ZNF521: variants seen among roughly 807,000 people sequenced by gnomAD.
ZNF521 encodes the protein LYST-interacting protein 3.
A neutral mutation model predicts 105.5 loss-of-function variants in ZNF521; 14 were observed. The observed-to-expected ratio is 0.13, with a 90% CI of 0.09 to 0.21. ZNF521 has a LOEUF of 0.21. Ranked by LOEUF, ZNF521 falls within the 10% of genes least tolerant of loss-of-function variation. The pLI is 1.00. For synonymous variants in ZNF521, 635 were observed against 606.0 expected (o/e 1.05, Z -0.70); for missense variants, 1,233 against 1,629.7 (o/e 0.76, Z 4.19).
intron 4 of ZNF521, among the ~76,000 whole-genome samples, chr18:25,211,860 C>T (rs1319379703): frequency 1.3e-5 from 2 of 152,206 alleles, no homozygotes; most frequent in East Asian, 3.8e-4. Flanking sequence ...TTTCACACAT[C>T]TGTCTTTAAA....
intron 4 of ZNF521, 62 bp downstream of exon 4, chr18:25,224,283 A>C: frequency 7.0e-7 from 1 of 1,428,488 alleles, no homozygotes; most frequent in Non-Finnish European, 9.6e-7. Flanking sequence ...GAGAGTGTAA[A>C]CATAAAGCAG....
chr18:25,120,750 A>G (rs2144347212), intron 5 of ZNF521, among the ~76,000 whole-genome samples: 1 of 152,328 alleles, frequency 6.6e-6, no homozygotes, highest in South Asian at 2.1e-4. Context: ...TCCTTTTCTT[A>G]TTCTTATTAC....
At chr18:25,253,874 T>A (rs1296666335) in intron 3 of ZNF521, among the ~76,000 whole-genome samples, 2 of 152,130 alleles carry the variant, frequency 1.3e-5, no homozygotes, top group South Asian at 2.1e-4. Flanking sequence ...GGGGGGGAAC[T>A]ATTTGCAAGC....
chr18:25,293,974 A>G (rs1476140919), intron 3 of ZNF521, among the ~76,000 whole-genome samples: 1 of 152,200 alleles, frequency 6.6e-6, no homozygotes, highest in African/African-American at 2.4e-5. Context: ...TGTGAACTCT[A>G]GTTAATGAAT....
At chr18:25,246,228 T>C (rs960114144) in intron 3 of ZNF521, among the ~76,000 whole-genome samples, 1 of 151,606 alleles carries the variant, frequency 6.6e-6, no homozygotes, top group East Asian at 1.9e-4. Context: ...GTATAATAAA[T>C]AAATAAATAA....
intron 4 of ZNF521, among the ~76,000 whole-genome samples, chr18:25,222,813 T>G (rs1905819576): frequency 6.6e-6 from 1 of 152,228 alleles, no homozygotes; most frequent in South Asian, 2.1e-4. Flanking sequence ...CTTAATTTCC[T>G]TTTTTAATTT....
At chr18:25,156,321 C>T (rs575661839) in intron 5 of ZNF521, among the ~76,000 whole-genome samples, 1 of 152,304 alleles carries the variant, frequency 6.6e-6, no homozygotes, top group South Asian at 2.1e-4. Context: ...CCATCAGCAT[C>T]CATTTCTATG....
At chr18:25,176,620 T>G (rs1288875651) in intron 5 of ZNF521, among the ~76,000 whole-genome samples, 1 of 152,162 alleles carries the variant, frequency 6.6e-6, no homozygotes, top group Non-Finnish European at 1.5e-5. Flanking sequence ...GACTCAGCAT[T>G]TGGGGACTTG....
chr18:25,078,335 A>C (rs1384729945), intron 7 of ZNF521, among the ~76,000 whole-genome samples: 1 of 152,228 alleles, frequency 6.6e-6, no homozygotes. Flanking sequence ...ATAAAATACC[A>C]ACCAGGATTT....
chr18:25,248,302 A>T (rs1382478700), intron 3 of ZNF521, among the ~76,000 whole-genome samples: 1 of 152,228 alleles, frequency 6.6e-6, no homozygotes. Flanking sequence ...AACGTTATAC[A>T]CCAATGGAGC....
chr18:25,228,964 T>C (rs1440263675), intron 3 of ZNF521, among the ~76,000 whole-genome samples: 1 of 152,118 alleles, frequency 6.6e-6, no homozygotes, highest in Non-Finnish European at 1.5e-5. Context: ...AACACACAAG[T>C]AAAGACCATG....
intron 2 of ZNF521, among the ~76,000 whole-genome samples, chr18:25,350,127 C>T (rs1249546984): frequency 1.3e-5 from 2 of 152,146 alleles, no homozygotes; most frequent in African/African-American, 2.4e-5. Context: ...CCGCCCCCGC[C>T]GCAGCCAGCT....
chr18:25,297,720 C>G (rs1318361614), intron 3 of ZNF521, among the ~76,000 whole-genome samples: 2 of 152,040 alleles, frequency 1.3e-5, no homozygotes, highest in Non-Finnish European at 2.9e-5. Context: ...AGGGAAAGTG[C>G]AAATAGAAAG....
rs776469131 is a variant in ZNF521 at position 25,224,489 on chromosome 18, G to A, written c.3429C>T (p.Cys1143=). The change falls in exon 4 of 8, where the codon TGC becomes TGT. Residue 1143 remains cysteine, a synonymous_variant. Transcript: ENST00000361524. ...VGGLKTRCSS[C]NVKFESESEL... Reference sequence around the variant, plus strand: ...CACTTTCAGACTCAAACTTAACGTTGCAGCTAGAGCAGCGTGTCTTCAGTC... The same window carrying A: ...CACTTTCAGACTCAAACTTAACGTTACAGCTAGAGCAGCGTGTCTTCAGTC... 1.9e-6 allele frequency: 3 copies of A among 1,614,054 alleles called. No homozygotes were observed. In the East Asian group the frequency reaches 6.7e-5, roughly 36 times the overall value.
At position 25,226,725 on chromosome 18, in the gene ZNF521, C is replaced by T. The variant is rs1432899787; in HGVS notation, c.1193G>A (p.Ser398Asn). 6 of 1,614,114 alleles carry T rather than the reference C, an allele frequency of 3.7e-6. No homozygotes were observed. The highest frequency in any genetic ancestry group is 5.1e-6 in the Non-Finnish European group (6 of 1,180,016). Residue 398 changes from serine to asparagine, a missense_variant, in exon 4 of 8, where the codon AGT becomes AAT. Coordinates refer to ENST00000361524, the MANE Select transcript of ZNF521 (RefSeq NM_015461.3). The surrounding 1 kb of genome is among the most constrained non-coding windows in gnomAD (Gnocchi z 4.1). ...GCTGTAGGTAACTTTTGCTTGTTTA[C>T]TCGAGGGACCAGTCATGTCAGGGGT... ...QQTPDMTGPS[S>N]KQAKVTYSCI...
chr18:25,309,056 G>A (rs1912150401), intron 3 of ZNF521, among the ~76,000 whole-genome samples: 1 of 152,170 alleles, frequency 6.6e-6, no homozygotes. Flanking sequence ...TTAAAGCAAA[G>A]CATGGTTCTT....
intron 2 of ZNF521, among the ~76,000 whole-genome samples, chr18:25,347,847 A>G (rs898798121): frequency 2.0e-5 from 3 of 152,226 alleles, no homozygotes; most frequent in African/African-American, 4.8e-5. Flanking sequence ...GTTTCAAATT[A>G]TATCAAATTG....
At chr18:25,122,045 A>G (rs937730492) in intron 5 of ZNF521, among the ~76,000 whole-genome samples, 1 of 152,242 alleles carries the variant, frequency 6.6e-6, no homozygotes, top group Non-Finnish European at 1.5e-5. Flanking sequence ...AGACATTAAA[A>G]AAGCTATAAC....
chr18:25,133,152 G>A (rs1247774006), intron 5 of ZNF521, among the ~76,000 whole-genome samples: 1 of 152,146 alleles, frequency 6.6e-6, no homozygotes, highest in Admixed American at 6.6e-5. Flanking sequence ...AGGTCTCTTG[G>A]TAGAGTTCAA....
Sources: allele counts gnomAD v4.1 joint callset (sites outside exome capture counted in the v4.1 genomes callset), GRCh38; gene constraint gnomAD v4.1.1; non-coding constraint Gnocchi (gnomAD v3.1); transcripts MANE v1.5; gene names NCBI Gene and HGNC (gene_info 2026-07-23, HGNC 2026-07-21).